The following LRP4 variants were observed in gnomAD, a reference collection of about 807,000 sequenced individuals.
LRP4 encodes the protein LDL receptor related protein 4.
LRP4 carries 95 observed loss-of-function variants against 220.3 expected under a neutral mutation model. The ratio of observed to expected loss-of-function variants is 0.43; its 90% CI spans 0.37 to 0.51. The LOEUF is 0.51. Among genes scored for constraint, LRP4 ranks in the 20% least tolerant of loss-of-function variants. LRP4 has a pLI of 0.00. For missense variants in LRP4, 1,925 were observed against 2,567.0 expected (o/e 0.75, Z 5.40); for synonymous variants, 903 against 954.6 (o/e 0.95, Z 1.00).
At position 46,864,548 on chromosome 11, in the gene LRP4, G is replaced by C. The variant is rs781323331; in HGVS notation, c.5156-13C>G. On this transcript the variant is annotated splice_polypyrimidine_tract_variant and intron_variant, in intron 35 of 37. Transcript: ENST00000378623. Reference sequence around the variant, plus strand: ...TGAAGTCCTTCCCCTAGGAAGAATAGAGAAACACTAGGCAGGGGCCACCGA... The same window carrying C: ...TGAAGTCCTTCCCCTAGGAAGAATACAGAAACACTAGGCAGGGGCCACCGA... 6.4e-7 allele frequency: 1 copy of C among 1,572,984 alleles called. No homozygotes were observed. Among genetic ancestry groups the C allele is most frequent in the Non-Finnish European group, 8.8e-7 (1 of 1,142,814 alleles).
In LRP4 at chr11:46,875,997, C is replaced by T; in HGVS notation, c.3537-31G>A. The stretch of plus-strand genomic sequence containing the variant: ...TGAGGAAGAATATTAGCTATATTAG[C>T]TAGTTATTCCAGCAGCTACCACATA... On this transcript the variant is annotated intron_variant, in intron 25 of 37. Transcript: ENST00000378623. The surrounding 1 kb of genome is among the most constrained non-coding windows in gnomAD (Gnocchi z 4.5). The T allele has an allele frequency of 6.2e-7, 1 of 1,603,840 alleles. No homozygotes were observed. The highest frequency in any genetic ancestry group is 8.5e-7 in the Non-Finnish European group (1 of 1,170,826).
intron 22 of LRP4, among the ~76,000 whole-genome samples, chr11:46,878,498 T>A (rs966104346): frequency 1.3e-5 from 2 of 152,068 alleles, no homozygotes; most frequent in Non-Finnish European, 2.9e-5. Context: ...GGTCTTGAAC[T>A]CCTGACCTCT....
chr11:46,910,594 T>C (rs1386939320), intron 1 of LRP4, among the ~76,000 whole-genome samples: 2 of 152,096 alleles, frequency 1.3e-5, no homozygotes, highest in African/African-American at 4.8e-5. Context: ...ATGGGTTAAG[T>C]TGGTGGCATG....
At chr11:46,898,495 C>T in intron 7 of LRP4, 63 bp downstream of exon 7, 2 of 1,611,236 alleles carry the variant, frequency 1.2e-6, no homozygotes, top group Non-Finnish European at 1.7e-6. Flanking sequence ...CGGTAGTGGC[C>T]TCTTTGGCTC....
chr11:46,890,564 T>C lies in LRP4; in HGVS notation c.1698-70A>G, dbSNP rs947280195. ...GTAGGTAACCAGGAGAATAATCAGGTAGGGCGCTTTTATCCATTTAACTCA... is the reference window on the plus strand; with the variant it reads ...GTAGGTAACCAGGAGAATAATCAGGCAGGGCGCTTTTATCCATTTAACTCA... On this transcript the variant is annotated intron_variant, in intron 13 of 37. Coordinates refer to ENST00000378623, the MANE Select transcript of LRP4 (RefSeq NM_002334.4). The surrounding 1 kb of genome is among the most constrained non-coding windows in gnomAD (Gnocchi z 5.3). 2.7e-6 allele frequency: 3 copies of C among 1,094,380 alleles called. No individual in the cohort carries two copies. The highest frequency in any genetic ancestry group is 4.1e-6 in the Non-Finnish European group (3 of 728,998). 67.8% of individuals were successfully genotyped at this position (1,094,380 alleles called of 1,614,324 possible).
chr11:46,904,510 C>CGGATGGAT (rs59808861), intron 1 of LRP4, among the ~76,000 whole-genome samples: 22 of 116,124 alleles, frequency 1.9e-4, no homozygotes, highest in African/African-American at 4.6e-4. Flanking sequence ...GACGGACAGA[C>CGGATGGAT]GGATGGATGG....
At chr11:46,870,564 C>T (rs1940834589) in intron 31 of LRP4, among the ~76,000 whole-genome samples, 1 of 152,152 alleles carries the variant, frequency 6.6e-6, no homozygotes, top group African/African-American at 2.4e-5. Context: ...GCTGAGACTA[C>T]AGGTGTGTAC....
rs1940411421 is a variant in LRP4, at chr11:46,857,540, AC to A, written c.*1442del. The A allele has an allele frequency of 6.6e-6, 1 of 151,678 alleles. No individual in the cohort carries two copies. Among genetic ancestry groups the A allele is most frequent in the Non-Finnish European group, 1.5e-5 (1 of 68,010 alleles). The allele number at this position is 151,678 out of a possible 1,614,324, so 9.4% of individuals were successfully genotyped here. On this transcript the variant is annotated 3_prime_UTR_variant, in exon 38 of 38. Coordinates refer to ENST00000378623, the MANE Select transcript of LRP4 (RefSeq NM_002334.4). Reference sequence around the variant, plus strand: ...GGTGCTCTCTACCTTCCTACTCCTTACCCACCTCTTTGTATTTTTATTTATT... The same window carrying A: ...GGTGCTCTCTACCTTCCTACTCCTTACCACCTCTTTGTATTTTTATTTATT...
chr11:46,913,525 T>C (rs186678793), intron 1 of LRP4, among the ~76,000 whole-genome samples: 1 of 152,194 alleles, frequency 6.6e-6, no homozygotes, highest in East Asian at 1.9e-4. Context: ...TGATTGAAAA[T>C]GGTAGCTGCG....
In LRP4 at chr11:46,876,821, T is replaced by C; in HGVS notation, c.3287A>G (p.Tyr1096Cys). The change falls in exon 24 of 38, where the codon TAC becomes TGC. Residue 1096 changes from tyrosine to cysteine, a missense_variant. Physicochemically the swap from Tyr to Cys is radical, Grantham distance 194 (BLOSUM62 -2). Around this residue, in one of 3 missense-constraint regions of LRP4, gnomAD observed 1,244 missense variants for 1,624.9 expected, o/e 0.77. Transcript: ENST00000378623. ...IGVDPQEGKV[Y>C]WSDSTLHRIS... ...CCTGTGCAGTGTGCTGTCAGACCAG[T>C]ACACCTTTCCTGGAGAGGGAAAGCT... 6.2e-7 allele frequency: 1 copy of C among 1,613,574 alleles called. No individual in the cohort carries two copies. The highest frequency in any genetic ancestry group is 2.2e-5 in the East Asian group (1 of 44,880).
In LRP4 at chr11:46,898,971, G is replaced by A. The variant is rs776624734; in HGVS notation, c.609C>T (p.Cys203=). The A allele has an allele frequency of 1.2e-6, 2 of 1,613,844 alleles. No individual in the cohort carries two copies. The highest frequency in any genetic ancestry group is 3.3e-4 in the Middle Eastern group (2 of 6,062). Reference sequence around the variant, plus strand: ...CATCGCAGTGGTAGATGTCGAGGATGCAGCGTCCATAGGCACACTGGAACT... The same window carrying A: ...CATCGCAGTGGTAGATGTCGAGGATACAGCGTCCATAGGCACACTGGAACT... ...LEEFQCAYGR[C]ILDIYHCDGD... is the part of the protein sequence containing the mutation. Residue 203 remains cysteine (C), a synonymous_variant, in exon 6 of 38, where the codon TGC becomes TGT. Transcript: ENST00000378623.
chr11:46,890,960 T>C lies in LRP4; in HGVS notation c.1698-466A>G, dbSNP rs888765747. On this transcript the variant is annotated intron_variant, in intron 13 of 37. Transcript: ENST00000378623. This position sits in a 1 kb window ranked among gnomAD's most constrained non-coding sequence, Gnocchi z 5.3. ...CAGGGCATTTATTCATTTAATAATTTTTTTTTTCATACTGGCAACAGGCAG... is the reference window on the plus strand; with the variant it reads ...CAGGGCATTTATTCATTTAATAATTCTTTTTTTCATACTGGCAACAGGCAG... Among the ~76,000 whole-genome samples, 7 of 151,952 alleles carry C rather than the reference T, an allele frequency of 4.6e-5. No homozygotes were observed. Among genetic ancestry groups the C allele is most frequent in the South Asian group, 2.1e-4 (1 of 4,810 alleles).
In LRP4 at chr11:46,876,803, A is replaced by G. The variant is rs1403299399; in HGVS notation, c.3305T>C (p.Leu1102Pro). ...CAGATTGGCACGACTGATCCTGTGC[A>G]GTGTGCTGTCAGACCAGTACACCTT... ...EGKVYWSDST[L>P]HRISRANLDG... Residue 1102 changes from leucine to proline, a missense_variant, in exon 24 of 38, where the codon CTG becomes CCG. Leu to Pro is a moderately conservative substitution (Grantham distance 98, BLOSUM62 -3). Around this residue, in one of 3 missense-constraint regions of LRP4, gnomAD observed 1,244 missense variants for 1,624.9 expected, o/e 0.77. Transcript: ENST00000378623. 1.2e-6 allele frequency: 2 copies of G among 1,614,096 alleles called. No individual in the cohort carries two copies. Among genetic ancestry groups the G allele is most frequent in the Non-Finnish European group, 1.7e-6 (2 of 1,180,016 alleles).
Position 46,875,052 on chromosome 11 carries a change from G to A in LRP4, c.3977C>T (p.Pro1326Leu). 6.2e-7 allele frequency: 1 copy of A among 1,613,684 alleles called. No homozygotes were observed. Among genetic ancestry groups the A allele is most frequent in the African/African-American group, 1.3e-5 (1 of 75,064 alleles). The change falls in exon 28 of 38, where the codon CCT (proline) becomes CTT (leucine). Residue 1326 changes from proline (P) to leucine (L), a missense_variant. By Grantham distance (98) the Pro-to-Leu change is moderately conservative. Around this residue, in one of 3 missense-constraint regions of LRP4, gnomAD observed 1,244 missense variants for 1,624.9 expected, o/e 0.77. Transcript: ENST00000378623. This position sits in a 1 kb window ranked among gnomAD's most constrained non-coding sequence, Gnocchi z 4.5. ...GGCACAGGAGAAGCCAGAAGGCCGA[G>A]GCAAGCAGAGGTGGGAGCAGCCGCC... ...RNGGCSHLCL[P>L]RPSGFSCACP... is the part of the protein sequence containing the mutation.
Position 46,886,536 on chromosome 11 carries a change from G to T in LRP4, c.2216-3C>A. ...AAAAAGCAGGAACTTGTCAAGACCT[G>T]ATCAAAGGCCGAAAGGGGTCTTCTT... On this transcript the variant is annotated splice_region_variant and splice_polypyrimidine_tract_variant and intron_variant, in intron 16 of 37. Coordinates refer to ENST00000378623, the MANE Select transcript of LRP4 (RefSeq NM_002334.4). 6.2e-7 allele frequency: 1 copy of T among 1,613,588 alleles called. No homozygotes were observed. Among genetic ancestry groups the T allele is most frequent in the South Asian group, 1.1e-5 (1 of 90,990 alleles).
At chr11:46,869,695 G>T (rs1303830347) in intron 31 of LRP4, among the ~76,000 whole-genome samples, 1 of 151,932 alleles carries the variant, frequency 6.6e-6, no homozygotes, top group Non-Finnish European at 1.5e-5. Flanking sequence ...TCATCCAAGG[G>T]TATATATCAG....
At chr11:46,876,443 A>C in intron 25 of LRP4, 23 bp downstream of exon 25, 1 of 1,613,724 alleles carries the variant, frequency 6.2e-7, no homozygotes, top group Non-Finnish European at 8.5e-7. Context: ...CACACTACCC[A>C]GTGCGATACA....
intron 23 of LRP4, 42 bp downstream of exon 23, chr11:46,877,157 G>T: frequency 6.2e-7 from 1 of 1,609,286 alleles, no homozygotes; most frequent in Non-Finnish European, 8.5e-7. Flanking sequence ...TTGTTGAAGG[G>T]CAGGGACAGA....
rs749963664 is a variant in LRP4, at chr11:46,875,427, A to C, written c.3925+29T>G. ...TGGCCCCAGAAAGCCAGAGGCTCTG[A>C]CTCACAGCCCCAGCCCTCTGACTCT... On this transcript the variant is annotated intron_variant, in intron 27 of 37. Transcript: ENST00000378623. This position sits in a 1 kb window ranked among gnomAD's most constrained non-coding sequence, Gnocchi z 4.5. 8 of 1,582,562 alleles carry C rather than the reference A, an allele frequency of 5.1e-6. No individual in the cohort carries two copies. The East Asian group carries it at 1.8e-4, about 35-fold the overall frequency.
Sources: allele counts gnomAD v4.1 joint callset (sites outside exome capture counted in the v4.1 genomes callset), GRCh38; gene constraint gnomAD v4.1.1; regional missense constraint gnomAD v4.1.1; non-coding constraint Gnocchi (gnomAD v3.1); transcripts MANE v1.5; gene names NCBI Gene and HGNC (gene_info 2026-07-23, HGNC 2026-07-21).